Variants in WHRN observed in about 807,000 individuals in gnomAD.
WHRN encodes the protein CASK-interacting protein CIP98.
WHRN carries 41 observed loss-of-function variants against 68.3 expected under a neutral mutation model. The ratio of observed to expected loss-of-function variants is 0.60; its 90% CI spans 0.47 to 0.78. WHRN has a LOEUF of 0.78. Among genes scored for constraint, WHRN ranks in the 30% least tolerant of loss-of-function variants. The pLI is 0.00. For missense variants in WHRN, 1,243 were observed against 1,244.7 expected (o/e 1.00, Z 0.02); for synonymous variants, 560 against 561.3 (o/e 1.00, Z 0.03).
chr9:114,422,391 T>C (rs1264549603), intron 7 of WHRN, among the ~76,000 whole-genome samples: 2 of 152,198 alleles, frequency 1.3e-5, no homozygotes, highest in Non-Finnish European at 1.5e-5. Context: ...TAATAACCAG[T>C]TGTTTCCCAA....
intron 3 of WHRN, among the ~76,000 whole-genome samples, chr9:114,427,002 T>C (rs1343183648): frequency 2.0e-5 from 3 of 152,242 alleles, no homozygotes; most frequent in Admixed American, 6.5e-5. Flanking sequence ...CAGTGGCTCA[T>C]GCCTGTAATC....
chr9:114,479,382 C>T (rs1277239126), intron 1 of WHRN, among the ~76,000 whole-genome samples: 1 of 152,152 alleles, frequency 6.6e-6, no homozygotes, highest in Non-Finnish European at 1.5e-5. Context: ...GAAGCCTGTG[C>T]CTGGTCTCCT....
intron 2 of WHRN, among the ~76,000 whole-genome samples, chr9:114,471,842 G>T (rs1841249229): frequency 6.6e-6 from 1 of 152,208 alleles, no homozygotes; most frequent in African/African-American, 2.4e-5. Context: ...AGGAACACAG[G>T]AAGAGAAGGG....
Position 114,460,417 on chromosome 9 carries a change from CATA to C in WHRN, c.963+5847_963+5849del, listed in dbSNP as rs376564737. ...AATGTGTTGAGTACAGTGCCTGATT[CATA>C]ATAACTGGTTAATAAATGGCAACTG... On this transcript the variant is annotated intron_variant, in intron 3 of 11. Coordinates refer to ENST00000362057, the MANE Select transcript of WHRN (RefSeq NM_015404.4). Among the ~76,000 whole-genome samples, 128 of 152,322 alleles carry C rather than the reference CATA, an allele frequency of 8.4e-4. 1 individual carries two copies. In the East Asian group the frequency reaches 0.013, roughly 16 times the overall value.
intron 1 of WHRN, among the ~76,000 whole-genome samples, chr9:114,484,475 A>G (rs1172074036): frequency 6.6e-6 from 1 of 152,240 alleles, no homozygotes; most frequent in Non-Finnish European, 1.5e-5. Context: ...CTTTACTTAG[A>G]GGAGCCCTAT....
intron 1 of WHRN, among the ~76,000 whole-genome samples, chr9:114,485,616 C>G (rs951844760): frequency 3.9e-5 from 6 of 152,302 alleles, no homozygotes; most frequent in African/African-American, 1.4e-4. Context: ...TGCTTGACCC[C>G]AGGAGGCGGA....
chr9:114,481,307 C>A (rs775595132), intron 1 of WHRN, among the ~76,000 whole-genome samples: 45 of 152,204 alleles, frequency 3.0e-4, no homozygotes, highest in Non-Finnish European at 5.4e-4. Flanking sequence ...GGAGGGATAA[C>A]GAGGATGGCG....
Position 114,465,303 on chromosome 9 carries a change from T to C in WHRN, c.963+964A>G, listed in dbSNP as rs529213588. ...ATTAGGGCATGCAAGGAAGGCCCTT[T>C]GTTACAAAGATACAACCTCATCATG... On this transcript the variant is annotated intron_variant, in intron 3 of 11. Coordinates refer to ENST00000362057, the MANE Select transcript of WHRN (RefSeq NM_015404.4). Among the ~76,000 whole-genome samples the C allele has an allele frequency of 3.7e-4, 56 of 152,338 alleles. No homozygotes were observed. In the South Asian group the frequency reaches 0.011, roughly 30 times the overall value.
chr9:114,490,461 T>A (rs1387690647), intron 1 of WHRN, among the ~76,000 whole-genome samples: 2 of 152,238 alleles, frequency 1.3e-5, no homozygotes, highest in Non-Finnish European at 2.9e-5. Context: ...AAGTAGGTTT[T>A]TAAAAACCAA....
At chr9:114,490,841 C>T (rs912775457) in intron 1 of WHRN, among the ~76,000 whole-genome samples, 2 of 152,186 alleles carry the variant, frequency 1.3e-5, no homozygotes, top group Non-Finnish European at 2.9e-5. Flanking sequence ...AGGCTGTCCA[C>T]CCCTTTGCAA....
At chr9:114,414,381 G>A (rs957714376) in intron 7 of WHRN, among the ~76,000 whole-genome samples, 5 of 152,160 alleles carry the variant, frequency 3.3e-5, no homozygotes, top group African/African-American at 1.2e-4. Flanking sequence ...GTCATCCTAT[G>A]TATTGTGTTT....
intron 7 of WHRN, among the ~76,000 whole-genome samples, chr9:114,418,775 A>C (rs369870979): frequency 6.6e-6 from 1 of 151,778 alleles, no homozygotes; most frequent in Admixed American, 6.6e-5. Context: ...CTCAAGGGTC[A>C]CTCCCTAACC....
rs533450615 is a variant in WHRN, at chr9:114,477,246, GAGAA to G, written c.837+1303_837+1306del. ...TCTTATCGACAGGAAAAGGAGAGCT[GAGAA>G]AGAGTTTCCAGAGGCATGGCACTTG... On this transcript the variant is annotated intron_variant, in intron 2 of 11. Transcript: ENST00000362057. Among the ~76,000 whole-genome samples the G allele has an allele frequency of 2.0e-5, 3 of 152,348 alleles. No individual in the cohort carries two copies. In the South Asian group the frequency reaches 6.2e-4, roughly 32 times the overall value.
Position 114,451,682 on chromosome 9 carries a change from G to C in WHRN, c.963+14585C>G, listed in dbSNP as rs187205762. Among the ~76,000 whole-genome samples the C allele has an allele frequency of 9.7e-4, 148 of 152,050 alleles. 1 individual carries two copies. Among genetic ancestry groups the C allele is most frequent in the Non-Finnish European group, 1.8e-3 (125 of 68,006 alleles). On this transcript the variant is annotated intron_variant, in intron 3 of 11. Coordinates refer to ENST00000362057, the MANE Select transcript of WHRN (RefSeq NM_015404.4). Reference sequence around the variant, plus strand: ...CTGCCCTGTGTCCCTCCCCCAGTCTGCCTGAGAACCACTTCACAAAGAGAG... The same window carrying C: ...CTGCCCTGTGTCCCTCCCCCAGTCTCCCTGAGAACCACTTCACAAAGAGAG...
At position 114,404,067 on chromosome 9, in the gene WHRN, C is replaced by G; in HGVS notation, c.2247G>C (p.Thr749=). The change falls in exon 10 of 12, where the codon ACG becomes ACC. Residue 749 remains threonine, a synonymous_variant. Coordinates refer to ENST00000362057, the MANE Select transcript of WHRN (RefSeq NM_015404.4). ...RALPQTRTAS[T]LSQLSDSGQT... ...GCCCGCTGTCCGAGAGCTGGGAGAG[C>G]GTAGAGGCTGCTGGAGAGGGGAAAA... 6.2e-7 allele frequency: 1 copy of G among 1,612,978 alleles called. No individual in the cohort carries two copies. Among genetic ancestry groups the G allele is most frequent in the Non-Finnish European group, 8.5e-7 (1 of 1,180,022 alleles).
chr9:114,474,595 C>T (rs78558687), intron 2 of WHRN, among the ~76,000 whole-genome samples: 1,980 of 152,288 alleles, frequency 0.013, 49 homozygotes, highest in African/African-American at 0.046. Context: ...CCCTTCCCTT[C>T]CACTGCCACA....
chr9:114,432,629 G>A (rs1340663705), intron 3 of WHRN, among the ~76,000 whole-genome samples: 1 of 152,116 alleles, frequency 6.6e-6, no homozygotes, highest in African/African-American at 2.4e-5. Context: ...ACCTCCTCTG[G>A]AAAATAGAGA....
At chr9:114,501,425 T>G (rs563155096) in intron 1 of WHRN, among the ~76,000 whole-genome samples, 1 of 152,290 alleles carries the variant, frequency 6.6e-6, no homozygotes, top group Non-Finnish European at 1.5e-5. Flanking sequence ...AATGGATGCT[T>G]GATTTATCAG....
chr9:114,410,753 A>T (rs907904432), intron 7 of WHRN, among the ~76,000 whole-genome samples: 1 of 152,116 alleles, frequency 6.6e-6, no homozygotes, highest in African/African-American at 2.4e-5. Context: ...CTTGGTCCTG[A>T]CCTGTTAACT....
Sources: gnomAD v4.1 joint callset for allele counts (sites outside exome capture counted in the v4.1 genomes callset) on GRCh38, gnomAD v4.1.1 for gene constraint, MANE v1.5 for transcripts, NCBI Gene and HGNC (gene_info 2026-07-23, HGNC 2026-07-21) for gene names.